Variants in QTRT2 observed in about 807,000 individuals in gnomAD.
QTRT2 encodes the protein queuine tRNA-ribosyltransferase accessory subunit 2.
Under a neutral mutation model 44.8 loss-of-function variants are expected in QTRT2, and 32 were observed. The ratio of observed to expected loss-of-function variants is 0.71; its 90% CI spans 0.54 to 0.96. QTRT2 has a LOEUF of 0.96. QTRT2 is among the 40% of genes least tolerant of loss of function. QTRT2 has a pLI of 0.00. For missense variants in QTRT2, 461 were observed against 503.1 expected, an observed-to-expected ratio of 0.92 and a Z score of 0.80; for synonymous variants, 182 against 187.4, an observed-to-expected ratio of 0.97 and a Z score of 0.24.
At chr3:114,070,497 C>T (rs1041269216) in intron 5 of QTRT2, 129 bp from the exon 6 acceptor site, 9 of 757,186 alleles carry the variant, frequency 1.2e-5, no homozygotes, top group Non-Finnish European at 1.5e-5. Flanking sequence ...TATTACCCAC[C>T]ATGTCTGGAT....
intron 2 of QTRT2, among the ~76,000 whole-genome samples, chr3:114,064,767 C>T (rs1046527867): frequency 1.2e-4 from 18 of 152,136 alleles, no homozygotes; most frequent in African/African-American, 4.1e-4. Context: ...CTTTTCTTCA[C>T]TTAACAGCAT....
chr3:114,080,016 T>TG lies in QTRT2; in HGVS notation c.858dup (p.Thr287AspfsTer5), dbSNP rs763122162. On this transcript the variant is annotated frameshift_variant, in exon 8 of 10. Coordinates refer to ENST00000281273, the MANE Select transcript of QTRT2 (RefSeq NM_024638.4). LOFTEE classifies it high-confidence loss of function. ...CAAGTAACAGAGCGGGGATGTGCCCTGACTTTCAGTTTTGATTACCAGCCG... is the reference window on the plus strand; with the variant it reads ...CAAGTAACAGAGCGGGGATGTGCCCTGGACTTTCAGTTTTGATTACCAGCCG... 6 of 1,612,304 alleles carry TG rather than the reference T, an allele frequency of 3.7e-6. No homozygotes were observed. The South Asian group carries it at 6.6e-5, about 18-fold the overall frequency.
intron 3 of QTRT2, 94 bp downstream of exon 3, chr3:114,065,551 A>G (rs1023201072): frequency 1.1e-6 from 1 of 919,678 alleles, no homozygotes; most frequent in African/African-American, 1.7e-5. Context: ...TTGTTCATAT[A>G]TATAAATTGT....
At position 114,087,761 on chromosome 3, in the gene QTRT2, G is replaced by A. The variant is rs1278136707; in HGVS notation, c.*1857G>A. The A allele has an allele frequency of 6.6e-6, 1 of 152,282 alleles. No individual in the cohort carries two copies. Among genetic ancestry groups the A allele is most frequent in the Non-Finnish European group, 1.5e-5 (1 of 68,212 alleles). The allele number at this position is 152,282 out of a possible 1,614,324, so 9.4% of individuals were successfully genotyped here. ...ATAGTCATGACAGAAGGTGAAGGGG[G>A]AGCAGGCACATCACATGACAAAAGC... is the stretch of plus-strand genomic sequence containing the variant. On this transcript the variant is annotated 3_prime_UTR_variant, in exon 10 of 10. Coordinates refer to ENST00000281273, the MANE Select transcript of QTRT2 (RefSeq NM_024638.4).
chr3:114,078,363 T>C (rs923033353), intron 7 of QTRT2: 1 of 152,146 alleles, frequency 6.6e-6, no homozygotes, highest in Non-Finnish European at 1.5e-5. Context: ...TCTAAAACAT[T>C]ACATCACTTG....
intron 5 of QTRT2, among the ~76,000 whole-genome samples, chr3:114,070,184 T>G (rs1419491573): frequency 1.3e-5 from 2 of 152,174 alleles, no homozygotes; most frequent in African/African-American, 4.8e-5. Context: ...GATGGATACT[T>G]AAATACTCTG....
At chr3:114,069,758 C>T (rs1352342747) in intron 5 of QTRT2, among the ~76,000 whole-genome samples, 1 of 152,052 alleles carries the variant, frequency 6.6e-6, no homozygotes, top group Admixed American at 6.6e-5. Context: ...TGGGTATATG[C>T]CCAGTAACGG....
chr3:114,062,769 G>A (rs1048979759), intron 2 of QTRT2, among the ~76,000 whole-genome samples: 1 of 152,068 alleles, frequency 6.6e-6, no homozygotes, highest in African/African-American at 2.4e-5. Flanking sequence ...AATTTGATGA[G>A]GAGAGATAAT....
intron 3 of QTRT2, among the ~76,000 whole-genome samples, chr3:114,065,906 A>G (rs184168821): frequency 2.6e-5 from 4 of 152,360 alleles, no homozygotes; most frequent in African/African-American, 4.8e-5. Flanking sequence ...AGCCTACTAT[A>G]TGACCAATTA....
At chr3:114,081,731 G>A (rs2077168041) in intron 8 of QTRT2, among the ~76,000 whole-genome samples, 1 of 152,014 alleles carries the variant, frequency 6.6e-6, no homozygotes, top group Non-Finnish European at 1.5e-5. Flanking sequence ...AGCCACTGCG[G>A]CCAGCTGAGA....
intron 5 of QTRT2, 69 bp downstream of exon 5, chr3:114,068,132 A>C: frequency 8.4e-7 from 1 of 1,183,976 alleles, no homozygotes; most frequent in Non-Finnish European, 1.3e-6. Flanking sequence ...TGTATCCCTC[A>C]GATGCTCAGA....
At chr3:114,072,559 A>G (rs2077037927) in intron 6 of QTRT2, among the ~76,000 whole-genome samples, 1 of 152,164 alleles carries the variant, frequency 6.6e-6, no homozygotes, top group African/African-American at 2.4e-5. Context: ...ATTTGTCTTC[A>G]TTAAACTGTG....
intron 6 of QTRT2, among the ~76,000 whole-genome samples, chr3:114,072,243 C>T (rs1338492799): frequency 2.0e-5 from 3 of 152,078 alleles, no homozygotes; most frequent in African/African-American, 2.4e-5. Flanking sequence ...CAACCTCCAA[C>T]TCCAGGTTCA....
chr3:114,072,025 G>A (rs538659203), intron 6 of QTRT2, among the ~76,000 whole-genome samples: 97 of 152,300 alleles, frequency 6.4e-4, no homozygotes, highest in Non-Finnish European at 8.5e-4. Flanking sequence ...TGAGGCATTA[G>A]CTTGTTTCAT....
In QTRT2 at chr3:114,087,678, T is replaced by C. The variant is rs2077254932; in HGVS notation, c.*1774T>C. 1 of 152,338 alleles carries C rather than the reference T, an allele frequency of 6.6e-6. No individual in the cohort carries two copies. Among genetic ancestry groups the C allele is most frequent in the Non-Finnish European group, 1.5e-5 (1 of 68,212 alleles). The allele number at this position is 152,338 out of a possible 1,614,324, so 9.4% of individuals were successfully genotyped here. On this transcript the variant is annotated 3_prime_UTR_variant, in exon 10 of 10. Coordinates refer to ENST00000281273, the MANE Select transcript of QTRT2 (RefSeq NM_024638.4). ...TTAATTGGCTCATGGCTCTGCAGGCTTTACAGGAAGCATGGTACTGGCATC... is the reference window on the plus strand; with the variant it reads ...TTAATTGGCTCATGGCTCTGCAGGCCTTACAGGAAGCATGGTACTGGCATC...
chr3:114,060,106 A>C (rs193074246), intron 2 of QTRT2, among the ~76,000 whole-genome samples: 4 of 152,312 alleles, frequency 2.6e-5, no homozygotes, highest in Non-Finnish European at 5.9e-5. Flanking sequence ...TCAGTTGAGG[A>C]AAGAGTGGGA....
intron 4 of QTRT2, 46 bp from the exon 5 acceptor site, chr3:114,067,941 T>A: frequency 6.5e-7 from 1 of 1,535,122 alleles, no homozygotes; most frequent in South Asian, 1.1e-5. Context: ...TACAGTGTCA[T>A]TGTTGATGTA....
chr3:114,066,734 G>A (rs1320046961), intron 4 of QTRT2, among the ~76,000 whole-genome samples: 1 of 152,196 alleles, frequency 6.6e-6, no homozygotes, highest in African/African-American at 2.4e-5. Flanking sequence ...AGTTACCCAG[G>A]TTAGGAGTGG....
rs1274731273 is a variant in QTRT2 at position 114,086,078 on chromosome 3, C to T, written c.*174C>T. On this transcript the variant is annotated 3_prime_UTR_variant, in exon 10 of 10. Coordinates refer to ENST00000281273, the MANE Select transcript of QTRT2 (RefSeq NM_024638.4). ...CCACATGAGGGTGAAGAGATTTCCT[C>T]AAAAGACTTAAATGACCTGGATTGA... is the stretch of plus-strand genomic sequence containing the variant. 2.0e-5 allele frequency: 12 copies of T among 592,442 alleles called. No individual in the cohort carries two copies. Among genetic ancestry groups the T allele is most frequent in the Non-Finnish European group, 3.6e-5 (12 of 336,530 alleles). The allele number at this position is 592,442 out of a possible 1,614,324, so 36.7% of individuals were successfully genotyped here.
Sources: gnomAD v4.1 joint callset for allele counts (sites outside exome capture counted in the v4.1 genomes callset) on GRCh38, gnomAD v4.1.1 for gene constraint, MANE v1.5 for transcripts, NCBI Gene and HGNC (gene_info 2026-07-23, HGNC 2026-07-21) for gene names.